MUSK: variants seen among roughly 807,000 people sequenced by gnomAD.
The protein encoded by MUSK is muscle associated receptor tyrosine kinase.
A neutral mutation model predicts 88.7 loss-of-function variants in MUSK; 55 were observed. That is an observed-to-expected ratio of 0.62 (90% confidence interval 0.50 to 0.78). The LOEUF (loss-of-function observed/expected upper bound fraction) is 0.78. Among genes scored for constraint, MUSK ranks in the 30% least tolerant of loss-of-function variants. The probability of loss-of-function intolerance (pLI) is 0.00; values close to 1 mark genes in which losing one functional copy is unlikely to be tolerated. For missense variants in MUSK, 1,015 were observed against 1,074.3 expected (o/e 0.94, Z 0.77); for synonymous variants, 387 against 391.9 (o/e 0.99, Z 0.15).
At chr9:110,741,671 G>A (rs1450478536) in intron 6 of MUSK, among the ~76,000 whole-genome samples, 3 of 152,076 alleles carry the variant, frequency 2.0e-5, no homozygotes, top group Non-Finnish European at 2.9e-5. Context: ...TCTGTTACTT[G>A]AACAAAATCA....
Position 110,671,091 on chromosome 9 carries a change from A to C in MUSK, c.79+2108A>C, listed in dbSNP as rs373561849. Among the ~76,000 whole-genome samples the C allele has an allele frequency of 8.7e-4, 133 of 152,056 alleles. 3 individuals carry two copies. In the South Asian group the frequency reaches 0.022, roughly 25 times the overall value. ...GGTTCAAGCTATACTCCTGCCTCAGACTCGCAAATACCTGGGACTACAGGT... is the reference window on the plus strand; with the variant it reads ...GGTTCAAGCTATACTCCTGCCTCAGCCTCGCAAATACCTGGGACTACAGGT... On this transcript the variant is annotated intron_variant, in intron 1 of 14. Transcript: ENST00000374448.
intron 2 of MUSK, among the ~76,000 whole-genome samples, chr9:110,684,893 A>G (rs1587893980): frequency 6.6e-6 from 1 of 152,274 alleles, no homozygotes; most frequent in African/African-American, 2.4e-5. Flanking sequence ...TTTTCCAAAT[A>G]TAAGAGCATA....
intron 5 of MUSK, among the ~76,000 whole-genome samples, chr9:110,726,210 T>C (rs2076882401): frequency 6.6e-6 from 1 of 152,014 alleles, no homozygotes; most frequent in Non-Finnish European, 1.5e-5. Flanking sequence ...CTGGTAGAAC[T>C]TCTAAGCTTC....
chr9:110,708,880 A>G (rs2076634530), intron 5 of MUSK, among the ~76,000 whole-genome samples: 2 of 152,208 alleles, frequency 1.3e-5, no homozygotes. Context: ...TATAATGTTG[A>G]CATTATATTA....
At chr9:110,725,255 G>T (rs1449831986) in intron 5 of MUSK, among the ~76,000 whole-genome samples, 2 of 151,990 alleles carry the variant, frequency 1.3e-5, no homozygotes, top group African/African-American at 4.8e-5. Flanking sequence ...GGACTCAGGG[G>T]AAAAGAGTGG....
chr9:110,775,999 G>C (rs753498319), intron 10 of MUSK, 36 bp downstream of exon 10: 2 of 1,550,706 alleles, frequency 1.3e-6, no homozygotes, highest in Non-Finnish European at 1.7e-6. Flanking sequence ...TGGAGGTTAA[G>C]AGAAATTTAC....
rs546916589 is a variant in MUSK at position 110,785,707 on chromosome 9, G to C, written c.1767G>C (p.Val589=). 1.9e-6 allele frequency: 3 copies of C among 1,598,086 alleles called. No homozygotes were observed. Among genetic ancestry groups the C allele is most frequent in the Non-Finnish European group, 2.6e-6 (3 of 1,171,132 alleles). Residue 589 remains valine (V), a synonymous_variant, in exon 13 of 15, where the codon GTG becomes GTC. Transcript: ENST00000374448. The stretch of plus-strand genomic sequence containing the variant: ...TCGGAGAGGGAGCGTTTGGAAGGGT[G>C]TTTCAAGCAAGGTAAAGTTACCTAT... ...RDIGEGAFGR[V]FQARAPGLLP... is the part of the protein sequence containing the mutation.
At chr9:110,727,386 G>A (rs1362887907) in intron 5 of MUSK, 1 of 152,064 alleles carries the variant, frequency 6.6e-6, no homozygotes, top group Non-Finnish European at 1.5e-5. Context: ...TTTTGGCGGG[G>A]AGGAAGTGAA....
intron 5 of MUSK, among the ~76,000 whole-genome samples, chr9:110,706,505 T>C (rs555884117): frequency 6.6e-6 from 1 of 152,210 alleles, no homozygotes; most frequent in African/African-American, 2.4e-5. Context: ...TTCTTATATA[T>C]CTGAAACCAT....
chr9:110,693,403 C>G (rs535419458), intron 3 of MUSK, among the ~76,000 whole-genome samples: 44 of 152,156 alleles, frequency 2.9e-4, no homozygotes, highest in Non-Finnish European at 5.4e-4. Context: ...ATAAGGCTCC[C>G]GAGATCCCCC....
intron 5 of MUSK, among the ~76,000 whole-genome samples, chr9:110,713,422 G>A (rs570330547): frequency 6.6e-6 from 1 of 152,110 alleles, no homozygotes; most frequent in East Asian, 1.9e-4. Flanking sequence ...ACCATGCCCA[G>A]CTAATTCTTG....
chr9:110,734,765 C>A (rs565434782), intron 6 of MUSK, among the ~76,000 whole-genome samples: 1 of 152,260 alleles, frequency 6.6e-6, no homozygotes, highest in South Asian at 2.1e-4. Flanking sequence ...TTCTTTTCTT[C>A]ATTTTCAATA....
chr9:110,674,275 C>T (rs982052321), intron 1 of MUSK, among the ~76,000 whole-genome samples: 23 of 151,978 alleles, frequency 1.5e-4, no homozygotes, highest in Non-Finnish European at 1.2e-4. Flanking sequence ...ACCTCAAGAA[C>T]TTATATAATA....
intron 5 of MUSK, among the ~76,000 whole-genome samples, chr9:110,726,118 A>C (rs1270022697): frequency 6.6e-6 from 1 of 152,086 alleles, no homozygotes; most frequent in Non-Finnish European, 1.5e-5. Flanking sequence ...GCATAAACAT[A>C]TATAAATTTG....
Position 110,689,439 on chromosome 9 carries a change from A to T in MUSK, c.358+2171A>T, listed in dbSNP as rs1219349882. On this transcript the variant is annotated intron_variant, in intron 3 of 14. Coordinates refer to ENST00000374448, the MANE Select transcript of MUSK (RefSeq NM_005592.4). ...ATATATAATATATGTAAAAAATATT[A>T]AAATATGTAAAAAATACATATTTAT... is the stretch of plus-strand genomic sequence containing the variant. 6.4e-5 allele frequency among the ~76,000 whole-genome samples: 7 copies of T among 109,734 alleles called. No homozygotes were observed. In the South Asian group the frequency reaches 1.8e-3, roughly 28 times the overall value. The allele number at this position is 109,734 out of a possible 152,430, so 72.0% of individuals were successfully genotyped here. A position where few individuals can be genotyped will look rare whatever the true frequency, so the allele number is the denominator to read the frequency against.
At chr9:110,778,845 C>CTGATTCATTCTTGAATAAATTCT (rs2077708680) in intron 11 of MUSK, among the ~76,000 whole-genome samples, 2 of 151,734 alleles carry the variant, frequency 1.3e-5, no homozygotes, top group African/African-American at 4.8e-5. Flanking sequence ...GAATAAATTC[C>CTGATTCATTCTTGAATAAATTCT]ACTACCTTTT....
intron 2 of MUSK, 62 bp from the exon 3 acceptor site, chr9:110,687,055 T>A: frequency 6.4e-7 from 1 of 1,555,476 alleles, no homozygotes; most frequent in East Asian, 2.3e-5. Flanking sequence ...TTTGATACAT[T>A]AATCATGGCA....
At chr9:110,789,722 T>G (rs1421879580) in intron 14 of MUSK, among the ~76,000 whole-genome samples, 1 of 151,824 alleles carries the variant, frequency 6.6e-6, no homozygotes, top group African/African-American at 2.4e-5. Context: ...GAGGTTGCAG[T>G]GAGCCGAGAT....
chr9:110,670,299 A>T (rs2075940710), intron 1 of MUSK, among the ~76,000 whole-genome samples: 1 of 152,216 alleles, frequency 6.6e-6, no homozygotes, highest in African/African-American at 2.4e-5. Context: ...ATACTTCCTG[A>T]TCAAACAACG....
Sources: allele counts gnomAD v4.1 joint callset (sites outside exome capture counted in the v4.1 genomes callset), GRCh38; gene constraint gnomAD v4.1.1; transcripts MANE v1.5; gene names NCBI Gene and HGNC (gene_info 2026-07-23, HGNC 2026-07-21).